Variants in MACROD2 observed in about 807,000 individuals in gnomAD.
MACROD2 encodes the protein ADP-ribose glycohydrolase MACROD2.
Under a neutral mutation model 70.4 loss-of-function variants are expected in MACROD2, and 36 were observed. The observed-to-expected ratio is 0.51, with a 90% confidence interval of 0.39 to 0.68. The LOEUF (loss-of-function observed/expected upper bound fraction) is 0.68. Among genes scored for constraint, MACROD2 ranks in the 30% least tolerant of loss-of-function variants. The probability of loss-of-function intolerance (pLI) is 0.00; values close to 1 mark genes in which losing one functional copy is unlikely to be tolerated. For synonymous variants in MACROD2, 172 were observed against 178.8 expected (o/e 0.96, Z 0.30); for missense variants, 496 against 538.4 (o/e 0.92, Z 0.78).
intron 8 of MACROD2, among the ~76,000 whole-genome samples, chr20:15,822,203 A>C (rs1321667918): frequency 1.3e-5 from 2 of 152,200 alleles, no homozygotes; most frequent in Non-Finnish European, 2.9e-5. Flanking sequence ...AAAGTCCAGC[A>C]GGGAAAATAA....
At chr20:14,003,342 A>G (rs940754072) in intron 2 of MACROD2, among the ~76,000 whole-genome samples, 1 of 152,180 alleles carries the variant, frequency 6.6e-6, no homozygotes, top group Non-Finnish European at 1.5e-5. Context: ...TTTTCTAGAA[A>G]GGCAAAGCAT....
At chr20:14,971,030 C>T (rs2074686134) in intron 5 of MACROD2, among the ~76,000 whole-genome samples, 1 of 152,140 alleles carries the variant, frequency 6.6e-6, no homozygotes, top group South Asian at 2.1e-4. Flanking sequence ...GGATTGCTTC[C>T]AGGATGCTCA....
chr20:14,287,462 T>C (rs2082354515), intron 3 of MACROD2, among the ~76,000 whole-genome samples: 1 of 148,966 alleles, frequency 6.7e-6, no homozygotes, highest in Non-Finnish European at 1.5e-5. Flanking sequence ...AAACTTATTA[T>C]ATATTTGGCA....
At chr20:14,098,011 T>C (rs2054251702) in intron 3 of MACROD2, among the ~76,000 whole-genome samples, 1 of 152,340 alleles carries the variant, frequency 6.6e-6, no homozygotes, top group Middle Eastern at 3.4e-3. Context: ...ACTAGGGATG[T>C]TCAACCTGTC....
chr20:15,402,494 A>T (rs2045944143), intron 6 of MACROD2, among the ~76,000 whole-genome samples: 1 of 152,214 alleles, frequency 6.6e-6, no homozygotes. Context: ...AGGCCAGGGG[A>T]TTCATAGGGA....
intron 5 of MACROD2, chr20:14,757,763 T>C: frequency 6.5e-7 from 1 of 1,535,564 alleles, no homozygotes; most frequent in East Asian, 2.3e-5. Context: ...ACATTTCTAC[T>C]GGTACCTTCC....
At chr20:15,072,100 T>A (rs1272012118) in intron 5 of MACROD2, among the ~76,000 whole-genome samples, 1 of 152,190 alleles carries the variant, frequency 6.6e-6, no homozygotes, top group African/African-American at 2.4e-5. Context: ...ACTAACACAA[T>A]AATATCTTTA....
At chr20:15,801,162 G>A (rs1225804856) in intron 8 of MACROD2, among the ~76,000 whole-genome samples, 5 of 133,858 alleles carry the variant, frequency 3.7e-5, no homozygotes, top group East Asian at 2.2e-4. Context: ...CCCCCTCTGC[G>A]AGAAACACCC....
At chr20:15,264,027 T>A (rs1026286208) in intron 6 of MACROD2, among the ~76,000 whole-genome samples, 22 of 152,142 alleles carry the variant, frequency 1.4e-4, no homozygotes, top group Admixed American at 6.6e-5. Flanking sequence ...TCAGGACTTT[T>A]TAAATGGCAG....
chr20:14,291,524 T>C (rs2082386175), intron 3 of MACROD2, among the ~76,000 whole-genome samples: 1 of 151,886 alleles, frequency 6.6e-6, no homozygotes, highest in South Asian at 2.1e-4. Flanking sequence ...AGATGTGTGG[T>C]GAATGAGAGT....
At position 14,630,017 on chromosome 20, in the gene MACROD2, C is replaced by G. The variant is rs1314609633; in HGVS notation, c.302-54826C>G. Among the ~76,000 whole-genome samples, 13 of 151,838 alleles carry G rather than the reference C, an allele frequency of 8.6e-5. No individual in the cohort carries two copies. In the East Asian group the frequency reaches 2.5e-3, roughly 29 times the overall value. ...TATCTATCCATCCCCTTTTAAGATT[C>G]ACGACAACCCCATGAATTGGTACTA... On this transcript the variant is annotated intron_variant, in intron 4 of 17. Coordinates refer to ENST00000684519, the MANE Select transcript of MACROD2 (RefSeq NM_001351661.2).
At chr20:14,666,824 T>A (rs1338792601) in intron 4 of MACROD2, among the ~76,000 whole-genome samples, 2 of 151,994 alleles carry the variant, frequency 1.3e-5, no homozygotes, top group Admixed American at 6.6e-5. Flanking sequence ...TCTTGTTTCA[T>A]CCTGACAGGA....
intron 5 of MACROD2, among the ~76,000 whole-genome samples, chr20:14,749,084 A>G (rs1437661232): frequency 2.0e-5 from 3 of 152,108 alleles, no homozygotes. Flanking sequence ...CATACAAATA[A>G]TAGTTAACAT....
At chr20:15,362,412 G>T (rs1356951210) in intron 6 of MACROD2, among the ~76,000 whole-genome samples, 1 of 149,266 alleles carries the variant, frequency 6.7e-6, no homozygotes, top group Non-Finnish European at 1.5e-5. Context: ...CATTAAGCAT[G>T]ATGTTAGCTG....
At chr20:15,854,229 G>C (rs940840278) in intron 8 of MACROD2, among the ~76,000 whole-genome samples, 9 of 152,000 alleles carry the variant, frequency 5.9e-5, no homozygotes, top group Admixed American at 5.9e-4. Context: ...GCTTTTAGAA[G>C]GAACGTAGAG....
intron 6 of MACROD2, among the ~76,000 whole-genome samples, chr20:15,285,337 A>G (rs1310879730): frequency 6.6e-6 from 1 of 152,214 alleles, no homozygotes; most frequent in Non-Finnish European, 1.5e-5. Flanking sequence ...TATCCATTAG[A>G]GCAAAAGCTA....
At chr20:14,438,730 AG>A (rs2084086998) in intron 3 of MACROD2, among the ~76,000 whole-genome samples, 1 of 152,136 alleles carries the variant, frequency 6.6e-6, no homozygotes, top group Non-Finnish European at 1.5e-5. Flanking sequence ...TGCATATTCA[AG>A]TTCTTCGCCC....
At chr20:14,733,041 C>T (rs1055519833) in intron 5 of MACROD2, among the ~76,000 whole-genome samples, 5 of 152,128 alleles carry the variant, frequency 3.3e-5, no homozygotes, top group African/African-American at 9.7e-5. Flanking sequence ...ACCTTAATTA[C>T]CCAAGCTTTC....
chr20:15,254,315 G>A (rs2077180155), intron 6 of MACROD2, among the ~76,000 whole-genome samples: 1 of 152,108 alleles, frequency 6.6e-6, no homozygotes, highest in African/African-American at 2.4e-5. Flanking sequence ...GAAAATCAAA[G>A]CGTATCAGCC....
Sources: gnomAD v4.1 joint callset for allele counts (sites outside exome capture counted in the v4.1 genomes callset) on GRCh38, gnomAD v4.1.1 for gene constraint, MANE v1.5 for transcripts, NCBI Gene and HGNC (gene_info 2026-07-23, HGNC 2026-07-21) for gene names.